Variants in ADAM12 observed in about 807,000 individuals in gnomAD.
ADAM12 encodes disintegrin and metalloproteinase domain-containing protein 12.
A neutral mutation model predicts 106.4 loss-of-function variants in ADAM12; 70 were observed. The ratio of observed to expected loss-of-function variants is 0.66; its 90% CI spans 0.54 to 0.80. The LOEUF (loss-of-function observed/expected upper bound fraction) is 0.80. Among genes scored for constraint, ADAM12 ranks in the 30% least tolerant of loss-of-function variants. The pLI is 0.00. For synonymous variants in ADAM12, 420 were observed against 433.5 expected (o/e 0.97, Z 0.39); for missense variants, 1,010 against 1,171.9 (o/e 0.86, Z 2.02).
chr10:126,066,814 G>T lies in ADAM12; in HGVS notation c.1324-8C>A. On this transcript the variant is annotated splice_polypyrimidine_tract_variant and splice_region_variant and intron_variant, in intron 12 of 22. Transcript: ENST00000448723. This position sits in a 1 kb window ranked among gnomAD's most constrained non-coding sequence, Gnocchi z 5.1. ...GCAGCGATTCATACATTCCTGGAAA[G>T]GGGAATGGCATTTGTTTGACAGGGT... is the stretch of plus-strand genomic sequence containing the variant. The T allele has an allele frequency of 6.2e-7, 1 of 1,612,294 alleles. No homozygotes were observed. The highest frequency in any genetic ancestry group is 8.5e-7 in the Non-Finnish European group (1 of 1,178,338).
At position 126,014,326 on chromosome 10, in the gene ADAM12, T is replaced by TTTG. The variant is rs1953621558; in HGVS notation, c.*2952_*2953insCAA. ...CAGTTTTAGCCGGTTTTTTTTTTTTTTTTTTTTTTTTGAGGATGCATTGAT... is the reference window on the plus strand; with the variant it reads ...CAGTTTTAGCCGGTTTTTTTTTTTTTTTGTTTTTTTTTTTGAGGATGCATTGAT... On this transcript the variant is annotated 3_prime_UTR_variant, in exon 23 of 23. Coordinates refer to ENST00000448723, the MANE Select transcript of ADAM12 (RefSeq NM_001288973.2). The TTTG allele has an allele frequency of 6.8e-6, 1 of 147,708 alleles. No individual in the cohort carries two copies. Among genetic ancestry groups the TTTG allele is most frequent in the Non-Finnish European group, 1.5e-5 (1 of 66,984 alleles). 9.1% of individuals were successfully genotyped at this position (147,708 alleles called of 1,614,324 possible).
chr10:126,360,513 A>G (rs538343715), intron 1 of ADAM12, among the ~76,000 whole-genome samples: 220 of 152,338 alleles, frequency 1.4e-3, no homozygotes, highest in Non-Finnish European at 2.7e-3. Flanking sequence ...TCTCTAGGGC[A>G]GAAGCAAAAT....
intron 1 of ADAM12, among the ~76,000 whole-genome samples, chr10:126,344,843 A>G (rs1349314167): frequency 1.3e-5 from 2 of 152,070 alleles, no homozygotes; most frequent in Non-Finnish European, 1.5e-5. Flanking sequence ...TTGGTGTATA[A>G]GAATGCTTGT....
rs1470570050 is a variant in ADAM12 at position 126,043,161 on chromosome 10, A to T, written c.1996-13T>A. On this transcript the variant is annotated splice_polypyrimidine_tract_variant and intron_variant, in intron 17 of 22. Transcript: ENST00000448723. This position sits in a 1 kb window ranked among gnomAD's most constrained non-coding sequence, Gnocchi z 4.1. ...TGTTGTTGCACACCTTTCAGGGCAG[A>T]GGGGAGGGACGTGGGGTTAGGGCAT... 1.2e-6 allele frequency: 2 copies of T among 1,613,190 alleles called. No homozygotes were observed.
chr10:126,355,802 A>G (rs1459433798), intron 1 of ADAM12, among the ~76,000 whole-genome samples: 2 of 152,232 alleles, frequency 1.3e-5, no homozygotes, highest in Non-Finnish European at 1.5e-5. Flanking sequence ...CAGGGCCCAC[A>G]GCAGATACTG....
chr10:126,216,053 G>A (rs1225928725), intron 3 of ADAM12, among the ~76,000 whole-genome samples: 1 of 152,084 alleles, frequency 6.6e-6, no homozygotes, highest in African/African-American at 2.4e-5. Flanking sequence ...TTCCCCTTTC[G>A]AGGGTTTGCT....
At chr10:126,278,342 T>C (rs1254289446) in intron 3 of ADAM12, among the ~76,000 whole-genome samples, 1 of 152,146 alleles carries the variant, frequency 6.6e-6, no homozygotes, top group African/African-American at 2.4e-5. Context: ...AGTTTTCTGC[T>C]AGTAAGGCAC....
At chr10:126,239,553 T>G (rs957222734) in intron 3 of ADAM12, among the ~76,000 whole-genome samples, 1 of 152,184 alleles carries the variant, frequency 6.6e-6, no homozygotes, top group Non-Finnish European at 1.5e-5. Flanking sequence ...TAAATGGGTA[T>G]GGGGTAACAT....
chr10:126,130,779 C>T (rs931319490), intron 5 of ADAM12, among the ~76,000 whole-genome samples: 24 of 152,196 alleles, frequency 1.6e-4, no homozygotes, highest in African/African-American at 5.8e-4. Flanking sequence ...AGTGGCAAGG[C>T]CAAGCCCTAT....
chr10:126,163,830 G>A (rs1956978876), intron 3 of ADAM12, among the ~76,000 whole-genome samples: 1 of 152,166 alleles, frequency 6.6e-6, no homozygotes, highest in South Asian at 2.1e-4. Context: ...CTAGCACAAT[G>A]CCTAGCATAG....
rs143312721 is a variant in ADAM12 at position 126,284,673 on chromosome 10, C to T, written c.187-5685G>A. On this transcript the variant is annotated intron_variant, in intron 2 of 22. Coordinates refer to ENST00000448723, the MANE Select transcript of ADAM12 (RefSeq NM_001288973.2). ...AAGTAGCTGGGACTACAGGCTCGAGCGATCACGGATGACTTGGTTTCCATT... is the reference window on the plus strand; with the variant it reads ...AAGTAGCTGGGACTACAGGCTCGAGTGATCACGGATGACTTGGTTTCCATT... Among the ~76,000 whole-genome samples the T allele has an allele frequency of 2.4e-3, 358 of 152,292 alleles. 1 individual carries two copies. Among genetic ancestry groups the T allele is most frequent in the African/African-American group, 7.7e-3 (322 of 41,554 alleles).
intron 2 of ADAM12, among the ~76,000 whole-genome samples, chr10:126,312,726 C>T (rs527884806): frequency 6.6e-6 from 1 of 152,212 alleles, no homozygotes; most frequent in South Asian, 2.1e-4. Flanking sequence ...GTAGACTTTG[C>T]CCTTCTTCAG....
Position 126,049,185 on chromosome 10 carries a change from C to T in ADAM12, c.1917+68G>A, listed in dbSNP as rs1305015002. 14 of 1,586,356 alleles carry T rather than the reference C, an allele frequency of 8.8e-6. No individual in the cohort carries two copies. The highest frequency in any genetic ancestry group is 1.2e-5 in the Non-Finnish European group (14 of 1,161,628). On this transcript the variant is annotated intron_variant, in intron 16 of 22. Coordinates refer to ENST00000448723, the MANE Select transcript of ADAM12 (RefSeq NM_001288973.2). This position sits in a 1 kb window ranked among gnomAD's most constrained non-coding sequence, Gnocchi z 4.4. Reference sequence around the variant, plus strand: ...AACCAACAAACCTTGTAACCCAGTTCTTGCTGTTTTTCAATGGGCCCTGTT... The same window carrying T: ...AACCAACAAACCTTGTAACCCAGTTTTTGCTGTTTTTCAATGGGCCCTGTT...
chr10:126,139,454 A>G (rs1956469505), intron 4 of ADAM12, among the ~76,000 whole-genome samples: 1 of 152,186 alleles, frequency 6.6e-6, no homozygotes, highest in Non-Finnish European at 1.5e-5. Context: ...ACACCATCTT[A>G]TCAGTTTATC....
rs908276600 is a variant in ADAM12, at chr10:126,016,054, G to T, written c.*1225C>A. Reference sequence around the variant, plus strand: ...TAGGTTGCAAGTGTTTAAGAAATAGGTTCAGACTCTGTTAAAAGCATCTTT... The same window carrying T: ...TAGGTTGCAAGTGTTTAAGAAATAGTTTCAGACTCTGTTAAAAGCATCTTT... On this transcript the variant is annotated 3_prime_UTR_variant, in exon 23 of 23. Transcript: ENST00000448723. 1 of 152,142 alleles carries T rather than the reference G, an allele frequency of 6.6e-6. No homozygotes were observed. The highest frequency in any genetic ancestry group is 2.4e-5 in the African/African-American group (1 of 41,442). 9.4% of individuals were successfully genotyped at this position (152,142 alleles called of 1,614,324 possible). A position where few individuals can be genotyped will look rare whatever the true frequency, so the allele number is the denominator to read the frequency against.
At chr10:126,147,060 G>A (rs1325822916) in intron 4 of ADAM12, among the ~76,000 whole-genome samples, 3 of 152,206 alleles carry the variant, frequency 2.0e-5, no homozygotes, top group Admixed American at 1.3e-4. Flanking sequence ...TGAATGGGAT[G>A]TCACCCAAAC....
At chr10:126,328,353 T>A (rs1210990825) in intron 2 of ADAM12, among the ~76,000 whole-genome samples, 2 of 152,226 alleles carry the variant, frequency 1.3e-5, no homozygotes, top group African/African-American at 4.8e-5. Flanking sequence ...TGCAAAAATA[T>A]TCTTCACGTG....
chr10:126,183,905 C>T (rs769919807), intron 3 of ADAM12, among the ~76,000 whole-genome samples: 40 of 152,260 alleles, frequency 2.6e-4, no homozygotes, highest in South Asian at 6.2e-4. Context: ...AATTCTGTGA[C>T]GAACACTAAA....
chr10:126,289,633 T>C (rs570982332), intron 2 of ADAM12, among the ~76,000 whole-genome samples: 102 of 152,296 alleles, frequency 6.7e-4, no homozygotes, highest in Non-Finnish European at 1.2e-3. Flanking sequence ...AGGTTGAAAG[T>C]TTATGGAGAT....
Sources: gnomAD v4.1 joint callset for allele counts (sites outside exome capture counted in the v4.1 genomes callset) on GRCh38, gnomAD v4.1.1 for gene constraint, Gnocchi (gnomAD v3.1) non-coding constraint, MANE v1.5 for transcripts, NCBI Gene and HGNC (gene_info 2026-07-23, HGNC 2026-07-21) for gene names.